SLC14A2: variants seen among roughly 807,000 people sequenced by gnomAD.
SLC14A2 encodes the protein urea transporter 2.
Under a neutral mutation model 104.6 loss-of-function variants are expected in SLC14A2, and 91 were observed. The observed-to-expected ratio is 0.87, with a 90% CI of 0.73 to 1.04. SLC14A2 has a LOEUF of 1.04. SLC14A2 is among the 50% of genes least tolerant of loss of function. SLC14A2 has a pLI of 0.00. For synonymous variants in SLC14A2, 476 were observed against 466.4 expected, an observed-to-expected ratio of 1.02 and a Z score of -0.27; for missense variants, 1,189 against 1,156.0, an observed-to-expected ratio of 1.03 and a Z score of -0.41.
At chr18:45,477,422 C>T (rs1015833940) in intron 1 of SLC14A2, among the ~76,000 whole-genome samples, 3 of 152,134 alleles carry the variant, frequency 2.0e-5, no homozygotes, top group Non-Finnish European at 4.4e-5. Context: ...TCTGTCGACC[C>T]CTGCTAGGAG....
upstream of SLC14A2, among the ~76,000 whole-genome samples, chr18:45,209,250 G>C (rs2083941888): frequency 6.6e-6 from 1 of 151,096 alleles, no homozygotes; most frequent in African/African-American, 2.4e-5. Context: ...GGCTGAGGCA[G>C]CAGAATGGCA....
chr18:45,170,424 A>G, the SLC14A2 span, among the ~76,000 whole-genome samples: 1 of 152,184 alleles, frequency 6.6e-6, no homozygotes, highest in Non-Finnish European at 1.5e-5. Context: ...AAAGTAAAGA[A>G]CTTTATTTTG....
intron 10 of SLC14A2, among the ~76,000 whole-genome samples, chr18:45,648,195 C>CTTTTTTTTTTTTTTT (rs59843067): frequency 1.2e-4 from 12 of 101,244 alleles, no homozygotes; most frequent in African/African-American, 3.9e-4. Flanking sequence ...CTAGTTAATG[C>CTTTTTTTTTTTTTTT]TTTTTTTTTT....
rs568815395 is a variant in SLC14A2, at chr18:45,235,824, T to C, written c.-125+22633T>C. Among the ~76,000 whole-genome samples the C allele has an allele frequency of 6.3e-4, 67 of 106,030 alleles. 8 individuals are homozygous for C. Among genetic ancestry groups the C allele is most frequent in the Non-Finnish European group, 9.9e-4 (48 of 48,564 alleles). 69.6% of individuals were successfully genotyped at this position (106,030 alleles called of 152,430 possible). A position where few individuals can be genotyped will look rare whatever the true frequency, so the allele number is the denominator to read the frequency against. ...GTGTGTGTGTGTGTGTATATATATA[T>C]ATATATACGTGTATATATATATGTA... On this transcript the variant is annotated intron_variant, in intron 1 of 20. Transcript: ENST00000586448.
rs531366886 is a variant in SLC14A2 at position 45,414,744 on chromosome 18, T to TAAAAAAA, written c.-124-68481_-124-68475dup. Among the ~76,000 whole-genome samples the TAAAAAAA allele has an allele frequency of 8.2e-3, 420 of 51,374 alleles. 4 individuals carry two copies. The highest frequency in any genetic ancestry group is 9.2e-3 in the Non-Finnish European group (287 of 31,334). 33.7% of individuals were successfully genotyped at this position (51,374 alleles called of 152,430 possible). On this transcript the variant is annotated intron_variant, in intron 1 of 20. Transcript: ENST00000586448. ...CAGGTGCGGTGCAAGGCACCGAGCGTAAAAAAAAAAAAAATATATATATAT... is the reference window on the plus strand; with the variant it reads ...CAGGTGCGGTGCAAGGCACCGAGCGTAAAAAAAAAAAAAAAAAAAAATATATATATAT...
chr18:45,673,875 GTTTT>G, intron 18 of SLC14A2, 58 bp downstream of exon 18: 2 of 1,520,624 alleles, frequency 1.3e-6, no homozygotes, highest in East Asian at 2.3e-5. Flanking sequence ...ACATAAAACT[GTTTT>G]TTTATGTTTT....
intron 18 of SLC14A2, among the ~76,000 whole-genome samples, chr18:45,675,104 TG>T (rs2046204989): frequency 6.6e-6 from 1 of 152,192 alleles, no homozygotes; most frequent in African/African-American, 2.4e-5. Context: ...GTGCACTCAC[TG>T]GTTTCAAGGA....
At chr18:45,400,268 T>A (rs543410554) in intron 1 of SLC14A2, among the ~76,000 whole-genome samples, 2 of 152,298 alleles carry the variant, frequency 1.3e-5, no homozygotes, top group African/African-American at 2.4e-5. Context: ...TCTCAAACAG[T>A]CCTTCACTCT....
chr18:45,471,917 G>A (rs2087256537), intron 1 of SLC14A2, among the ~76,000 whole-genome samples: 1 of 151,858 alleles, frequency 6.6e-6, no homozygotes, highest in African/African-American at 2.4e-5. Flanking sequence ...TGGGGTACAT[G>A]TGCAGAATGT....
chr18:45,400,539 T>C (rs2086084523), intron 1 of SLC14A2, among the ~76,000 whole-genome samples: 3 of 152,360 alleles, frequency 2.0e-5, no homozygotes, highest in Admixed American at 6.5e-5. Context: ...TCTCCACTTA[T>C]ATTAAAGTTA....
At chr18:45,236,589 G>A (rs1274301683) in intron 1 of SLC14A2, among the ~76,000 whole-genome samples, 2 of 146,476 alleles carry the variant, frequency 1.4e-5, no homozygotes, top group African/African-American at 5.1e-5. Flanking sequence ...ATATATATAT[G>A]GGAAAAAGTA....
rs114865132 is a variant in SLC14A2, at chr18:45,654,001, C to T, written c.1352-9784C>T. 3.2e-3 allele frequency among the ~76,000 whole-genome samples: 482 copies of T among 152,274 alleles called. 2 individuals carry two copies. The highest frequency in any genetic ancestry group is 0.011 in the African/African-American group (448 of 41,536). ...AACTGGGAGGTAACCTGTGGGACAACAGGGAAGCTACCAGACAGTCCCCAG... is the reference window on the plus strand; with the variant it reads ...AACTGGGAGGTAACCTGTGGGACAATAGGGAAGCTACCAGACAGTCCCCAG... On this transcript the variant is annotated intron_variant, in intron 10 of 19. Coordinates refer to ENST00000255226, the MANE Select transcript of SLC14A2 (RefSeq NM_007163.4).
chr18:45,423,693 G>T (rs1415373129), intron 1 of SLC14A2: 2 of 152,100 alleles, frequency 1.3e-5, no homozygotes, highest in Non-Finnish European at 2.9e-5. Flanking sequence ...AAATAATTTT[G>T]TTAAATACAT....
intron 1 of SLC14A2, among the ~76,000 whole-genome samples, chr18:45,412,764 C>G (rs930085916): frequency 7.2e-5 from 11 of 152,180 alleles, no homozygotes; most frequent in African/African-American, 2.7e-4. Context: ...CTTGCCCTTT[C>G]CTGTTTCTCA....
chr18:45,562,572 C>T (rs979657490), intron 2 of SLC14A2, among the ~76,000 whole-genome samples: 1 of 152,178 alleles, frequency 6.6e-6, no homozygotes, highest in Non-Finnish European at 1.5e-5. Flanking sequence ...CTGGATTGAA[C>T]TTGGAGCCAT....
chr18:45,286,057 TAAC>T (rs1006879200), intron 1 of SLC14A2, among the ~76,000 whole-genome samples: 2 of 152,210 alleles, frequency 1.3e-5, no homozygotes, highest in African/African-American at 4.8e-5. Flanking sequence ...CTTTCTGGCT[TAAC>T]AATTCCTGTA....
At chr18:45,625,220 T>C (rs910547267) in intron 2 of SLC14A2, among the ~76,000 whole-genome samples, 1 of 152,194 alleles carries the variant, frequency 6.6e-6, no homozygotes, top group Non-Finnish European at 1.5e-5. Context: ...GGGATGGCCT[T>C]CCAGAGCTGT....
intron 2 of SLC14A2, among the ~76,000 whole-genome samples, chr18:45,540,393 T>C (rs2043867975): frequency 6.6e-6 from 1 of 152,162 alleles, no homozygotes; most frequent in Non-Finnish European, 1.5e-5. Context: ...CACCCTGTTG[T>C]GGGCAGTCAC....
intron 2 of SLC14A2, among the ~76,000 whole-genome samples, chr18:45,597,187 C>A (rs1361551962): frequency 1.3e-5 from 2 of 152,084 alleles, no homozygotes; most frequent in African/African-American, 2.4e-5. Flanking sequence ...ATTAGCCAGG[C>A]GTGGTGGTGT....
Sources: gnomAD v4.1 joint callset for allele counts (sites outside exome capture counted in the v4.1 genomes callset) on GRCh38, gnomAD v4.1.1 for gene constraint, MANE v1.5 for transcripts, NCBI Gene and HGNC (gene_info 2026-07-23, HGNC 2026-07-21) for gene names.